CNTN6: variants seen among roughly 807,000 people sequenced by gnomAD.
CNTN6 encodes the protein contactin-6.
A neutral mutation model predicts 122.8 loss-of-function variants in CNTN6; 137 were observed. That is an observed-to-expected ratio of 1.12 (90% CI 0.97 to 1.29). The LOEUF (loss-of-function observed/expected upper bound fraction) is 1.29. Among genes scored for constraint, CNTN6 ranks in the 50% most tolerant of loss-of-function variants. The pLI is 0.00. For synonymous variants in CNTN6, 570 were observed against 426.0 expected, an observed-to-expected ratio of 1.34 and a Z score of -4.16; for missense variants, 1,634 against 1,223.4, an observed-to-expected ratio of 1.34 and a Z score of -5.01.
chr3:1,371,927 CAGAG>C (rs955841570), intron 12 of CNTN6, among the ~76,000 whole-genome samples: 5 of 152,050 alleles, frequency 3.3e-5, no homozygotes, highest in African/African-American at 9.7e-5. Context: ...ATGAAGTTAA[CAGAG>C]AGCATTTAGA....
At chr3:1,215,673 T>A (rs2094120219) in intron 2 of CNTN6, among the ~76,000 whole-genome samples, 1 of 151,556 alleles carries the variant, frequency 6.6e-6, no homozygotes, top group African/African-American at 2.4e-5. Flanking sequence ...TTCCCTGTCT[T>A]GGTCATGCCA....
chr3:1,297,168 T>C (rs1315110419), intron 6 of CNTN6, among the ~76,000 whole-genome samples: 1 of 152,132 alleles, frequency 6.6e-6, no homozygotes. Context: ...TATTTTGTAA[T>C]TTTTACTTTT....
intron 4 of CNTN6, among the ~76,000 whole-genome samples, chr3:1,266,045 G>A (rs1479934498): frequency 1.3e-5 from 2 of 150,994 alleles, no homozygotes; most frequent in African/African-American, 4.9e-5. Context: ...TAACACCTAA[G>A]TGCGTCACCC....
rs2094699656 is a variant in CNTN6, at chr3:1,253,250, TG to T, written c.359-25162del. Reference sequence around the variant, plus strand: ...TGTGACACCATGTCCTTTACCCTTGTGTTTTTGAAAGCAAAAGAAGAAACGC... The same window carrying T: ...TGTGACACCATGTCCTTTACCCTTGTTTTTTGAAAGCAAAAGAAGAAACGC... On this transcript the variant is annotated intron_variant, in intron 4 of 22. Transcript: ENST00000446702. 2.6e-5 allele frequency among the ~76,000 whole-genome samples: 4 copies of T among 152,320 alleles called. No individual in the cohort carries two copies. In the South Asian group the frequency reaches 8.3e-4, roughly 32 times the overall value.
chr3:1,341,792 T>C (rs906887163), intron 11 of CNTN6, among the ~76,000 whole-genome samples: 1 of 152,178 alleles, frequency 6.6e-6, no homozygotes, highest in African/African-American at 2.4e-5. Flanking sequence ...AGACTTAAGA[T>C]GGAATCATTT....
At position 1,314,118 on chromosome 3, in the gene CNTN6, A is replaced by G. The variant is rs187592675; in HGVS notation, c.762-7532A>G. ...TTACACCACTCAGAGTAAAATAAAA[A>G]TGTTTTCTCTTTTTCCGTAACAGTG... On this transcript the variant is annotated intron_variant, in intron 7 of 22. Coordinates refer to ENST00000446702, the MANE Select transcript of CNTN6 (RefSeq NM_001289080.2). Among the ~76,000 whole-genome samples, 173 of 152,192 alleles carry G rather than the reference A, an allele frequency of 1.1e-3. 1 individual carries two copies. Among genetic ancestry groups the G allele is most frequent in the African/African-American group, 3.9e-3 (163 of 41,552 alleles).
At chr3:1,349,182 T>C (rs996944361) in intron 11 of CNTN6, among the ~76,000 whole-genome samples, 1 of 151,936 alleles carries the variant, frequency 6.6e-6, no homozygotes, top group African/African-American at 2.4e-5. Flanking sequence ...CACACATATT[T>C]TTATGACTCA....
intron 22 of CNTN6, chr3:1,402,859 T>C (rs1695903989): frequency 5.1e-6 from 1 of 195,696 alleles, no homozygotes; most frequent in African/African-American, 2.3e-5. Flanking sequence ...CCCTTTCCCA[T>C]GTTCATGGCA....
intron 1 of CNTN6, among the ~76,000 whole-genome samples, chr3:1,136,348 T>G (rs1176608469): frequency 6.6e-6 from 1 of 152,150 alleles, no homozygotes; most frequent in Non-Finnish European, 1.5e-5. Context: ...TCCCCTTGAT[T>G]AGACTTTCCC....
At chr3:1,236,697 T>C (rs2094426779) in intron 4 of CNTN6, among the ~76,000 whole-genome samples, 1 of 152,196 alleles carries the variant, frequency 6.6e-6, no homozygotes, top group African/African-American at 2.4e-5. Flanking sequence ...CAAAAGATTA[T>C]GCCAGCTCAC....
chr3:1,309,410 T>C (rs1353748960), intron 7 of CNTN6, among the ~76,000 whole-genome samples: 1 of 152,226 alleles, frequency 6.6e-6, no homozygotes, highest in Non-Finnish European at 1.5e-5. Context: ...GTATTGCGTT[T>C]GCTCCTTTGT....
At chr3:1,350,604 G>T (rs1166423686) in intron 11 of CNTN6, among the ~76,000 whole-genome samples, 1 of 151,780 alleles carries the variant, frequency 6.6e-6, no homozygotes, top group East Asian at 1.9e-4. Flanking sequence ...CCTGAAAGGG[G>T]TAGTATACTC....
At chr3:1,243,086 A>G (rs529276516) in intron 4 of CNTN6, among the ~76,000 whole-genome samples, 1 of 152,320 alleles carries the variant, frequency 6.6e-6, no homozygotes, top group South Asian at 2.1e-4. Flanking sequence ...TGCTAAGCCG[A>G]GAAGATCTGG....
Position 1,278,395 on chromosome 3 carries a change from T to C in CNTN6, c.359-18T>C. ...GCAAAGTAACTAATTATAAATCTGC[T>C]TTTCTTTGTTTTCCAAGATATTGAA... On this transcript the variant is annotated intron_variant, in intron 4 of 22. Coordinates refer to ENST00000446702, the MANE Select transcript of CNTN6 (RefSeq NM_001289080.2). The C allele has an allele frequency of 6.6e-7, 1 of 1,517,614 alleles. No individual in the cohort carries two copies. Among genetic ancestry groups the C allele is most frequent in the Non-Finnish European group, 9.0e-7 (1 of 1,108,374 alleles). The allele number at this position is 1,517,614 out of a possible 1,614,324, so 94.0% of individuals were successfully genotyped here. A position where few individuals can be genotyped will look rare whatever the true frequency, so the allele number is the denominator to read the frequency against.
At chr3:1,319,705 A>G (rs1167708864) in intron 7 of CNTN6, among the ~76,000 whole-genome samples, 1 of 151,614 alleles carries the variant, frequency 6.6e-6, no homozygotes, top group Non-Finnish European at 1.5e-5. Flanking sequence ...ATAAAGGATC[A>G]TGAATTCAGA....
At chr3:1,299,548 A>G (rs1195825635) in intron 7 of CNTN6, among the ~76,000 whole-genome samples, 4 of 152,202 alleles carry the variant, frequency 2.6e-5, no homozygotes, top group African/African-American at 9.7e-5. Flanking sequence ...TTATGATACA[A>G]TATATATAAT....
At chr3:1,103,462 T>G (rs1268880242) in intron 1 of CNTN6, among the ~76,000 whole-genome samples, 1 of 152,164 alleles carries the variant, frequency 6.6e-6, no homozygotes, top group Non-Finnish European at 1.5e-5. Context: ...GAGAAGGAAG[T>G]TTTCTATCTG....
At chr3:1,286,401 T>C (rs1195400220) in intron 5 of CNTN6, among the ~76,000 whole-genome samples, 1 of 151,996 alleles carries the variant, frequency 6.6e-6, no homozygotes, top group African/African-American at 2.4e-5. Context: ...CCTGTGTCCA[T>C]GTGTTCTCAT....
At chr3:1,205,369 A>G (rs1261754615) in intron 2 of CNTN6, among the ~76,000 whole-genome samples, 2 of 152,294 alleles carry the variant, frequency 1.3e-5, no homozygotes, top group East Asian at 3.9e-4. Flanking sequence ...AAAATAGTAC[A>G]ATGGTGTTCT....
Sources: allele counts gnomAD v4.1 joint callset (sites outside exome capture counted in the v4.1 genomes callset), GRCh38; gene constraint gnomAD v4.1.1; transcripts MANE v1.5; gene names NCBI Gene and HGNC (gene_info 2026-07-23, HGNC 2026-07-21).